The following ERFL variants were observed in gnomAD, a reference collection of about 807,000 sequenced individuals.
The protein encoded by ERFL is ETS repressor factor like, also known as ETS domain-containing transcription factor ERF-like.
ERFL carries 8 observed loss-of-function variants against 27.9 expected under a neutral mutation model. The ratio of observed to expected loss-of-function variants is 0.29; its 90% CI spans 0.17 to 0.52. ERFL has a LOEUF of 0.52. ERFL is among the 20% of genes least tolerant of loss of function. The probability of loss-of-function intolerance (pLI) is 0.97; values close to 1 mark genes in which losing one functional copy is unlikely to be tolerated. For missense variants in ERFL, 294 were observed against 444.4 expected (o/e 0.66, Z 3.04); for synonymous variants, 174 against 202.8 (o/e 0.86, Z 1.21).
In ERFL at chr19:41,910,575, G is replaced by GC. The variant is rs764373612; in HGVS notation, c.68-479dup. 1.3e-3 allele frequency among the ~76,000 whole-genome samples: 191 copies of GC among 152,126 alleles called. No individual in the cohort carries two copies. The highest frequency in any genetic ancestry group is 2.3e-3 in the Non-Finnish European group (156 of 67,978). On this transcript the variant is annotated intron_variant, in intron 2 of 5. Transcript: ENST00000597630. This position sits in a 1 kb window ranked among gnomAD's most constrained non-coding sequence, Gnocchi z 4.4. ...GCTCCACCTTTCGACATTCCCCAGA[G>GC]CCCCCCACTGACCCATCCTGGCATA...
intron 2 of ERFL, among the ~76,000 whole-genome samples, chr19:41,911,425 C>T (rs2074750484): frequency 6.6e-6 from 1 of 152,208 alleles, no homozygotes; most frequent in Admixed American, 6.5e-5. Flanking sequence ...GCAGGGGAGA[C>T]CAGCATCGCC....
intron 1 of ERFL, among the ~76,000 whole-genome samples, chr19:41,913,261 ACGCCCGCCCGCC>A (rs1313896978): frequency 1.0e-4 from 14 of 139,352 alleles, no homozygotes; most frequent in African/African-American, 3.5e-4. Context: ...GCTGGCTCTC[ACGCCCGCCCGCC>A]CGCCCGCCGC....
At position 41,914,737 on chromosome 19, in the gene ERFL, A is replaced by ATCTCTG. The variant is rs1338482494; in HGVS notation, c.-13-1811_-13-1806dup. Among the ~76,000 whole-genome samples the ATCTCTG allele has an allele frequency of 5.1e-3, 18 of 3,550 alleles. 5 individuals carry two copies. Among genetic ancestry groups the ATCTCTG allele is most frequent in the East Asian group, 0.056 (1 of 18 alleles). The allele number at this position is 3,550 out of a possible 152,430, so 2.3% of individuals were successfully genotyped here. On this transcript the variant is annotated intron_variant, in intron 1 of 5. Transcript: ENST00000597630. ...CTCTGTCTCTCCCTCCCCTTCCACC[A>ATCTCTG]TCTCTGTCTCTCCCTCCCCTTCCAC...
intron 2 of ERFL, among the ~76,000 whole-genome samples, chr19:41,912,311 C>T (rs1198101610): frequency 6.6e-6 from 1 of 152,208 alleles, no homozygotes; most frequent in Non-Finnish European, 1.5e-5. Context: ...CTGTCTGTCT[C>T]TCACACACAC....
rs1431963481 is a variant in ERFL, at chr19:41,917,135, T to C, written c.-13-4203A>G. On this transcript the variant is annotated intron_variant, in intron 1 of 5. Transcript: ENST00000597630. This position sits in a 1 kb window ranked among gnomAD's most constrained non-coding sequence, Gnocchi z 4.8. ...CTTCGGGTGTCGGCGCATCTTTCTG[T>C]CTGTCTCTGTCACTGAGGGTCTCTG... 6.6e-6 allele frequency among the ~76,000 whole-genome samples: 1 copy of C among 152,148 alleles called. No homozygotes were observed. Among genetic ancestry groups the C allele is most frequent in the African/African-American group, 2.4e-5 (1 of 41,420 alleles).
At chr19:41,920,996 C>T (rs1296901824) in intron 1 of ERFL, among the ~76,000 whole-genome samples, 5 of 152,224 alleles carry the variant, frequency 3.3e-5, no homozygotes, top group East Asian at 1.9e-4. Flanking sequence ...TCTCAGTCTC[C>T]GCACGATGTC....
rs1349839090 is a variant in ERFL at position 41,916,233 on chromosome 19, CA to C, written c.-13-3302del. 2.4e-4 allele frequency among the ~76,000 whole-genome samples: 37 copies of C among 151,692 alleles called. 2 individuals carry two copies. The highest frequency in any genetic ancestry group is 2.4e-3 in the Admixed American group (37 of 15,242). On this transcript the variant is annotated intron_variant, in intron 1 of 5. Transcript: ENST00000597630. The surrounding 1 kb of genome is among the most constrained non-coding windows in gnomAD (Gnocchi z 5.4). Reference sequence around the variant, plus strand: ...GCACAGATGCACACACCAGCACAGCCACACACACACCATCACATACCACACA... The same window carrying C: ...GCACAGATGCACACACCAGCACAGCCCACACACACCATCACATACCACACA...
intron 1 of ERFL, among the ~76,000 whole-genome samples, chr19:41,926,062 G>A (rs1555853244): frequency 2.0e-5 from 3 of 152,112 alleles, no homozygotes; most frequent in South Asian, 2.1e-4. Flanking sequence ...GTGAGGAACA[G>A]GTGAGTTTGC....
Position 41,909,954 on chromosome 19 carries a change from C to T in ERFL, c.211G>A (p.Val71Ile), listed in dbSNP as rs1025852079. The T allele has an allele frequency of 1.5e-5, 25 of 1,613,800 alleles. No homozygotes were observed. Among genetic ancestry groups the T allele is most frequent in the Non-Finnish European group, 2.1e-5 (25 of 1,179,964 alleles). ...IAWQGDYGEFVIKDPDEVARL... is the reference protein window; with the variant it reads ...IAWQGDYGEFIIKDPDEVARL... ...GCCACCTCATCGGGGTCTTTGATGACGAATTCCCCGTAGTCCCCCTGCCAG... is the reference window on the plus strand; with the variant it reads ...GCCACCTCATCGGGGTCTTTGATGATGAATTCCCCGTAGTCCCCCTGCCAG... The change falls in exon 3 of 6, where the codon GTC (valine) becomes ATC (isoleucine). Residue 71 changes from valine to isoleucine, a missense_variant. Val to Ile is a conservative substitution (Grantham distance 29). Coordinates refer to ENST00000597630, the MANE Select transcript of ERFL (RefSeq NM_001365103.2). The surrounding 1 kb of genome is among the most constrained non-coding windows in gnomAD (Gnocchi z 5.2).
rs551647034 is a variant in ERFL at position 41,926,761 on chromosome 19, G to T, written c.-14+1279C>A. ...CCGTTTAGCCGTGATAGATCCGCGC[G>T]CCGCTTGTCTCTTAATCTCCAGAGC... On this transcript the variant is annotated intron_variant, in intron 1 of 5. Coordinates refer to ENST00000597630, the MANE Select transcript of ERFL (RefSeq NM_001365103.2). Among the ~76,000 whole-genome samples, 12 of 152,284 alleles carry T rather than the reference G, an allele frequency of 7.9e-5. No individual in the cohort carries two copies. The South Asian group carries it at 2.5e-3, about 32-fold the overall frequency.
At chr19:41,923,067 G>C (rs1555852767) in intron 1 of ERFL, 1 of 447,338 alleles carries the variant, frequency 2.2e-6, no homozygotes, top group Admixed American at 2.4e-5. Context: ...CGCCCCCTCT[G>C]ACCCAGGCCT....
In ERFL at chr19:41,917,289, TCTGTCC is replaced by T. The variant is rs1360461931; in HGVS notation, c.-13-4363_-13-4358del. Among the ~76,000 whole-genome samples the T allele has an allele frequency of 1.3e-5, 2 of 152,240 alleles. No individual in the cohort carries two copies. Among genetic ancestry groups the T allele is most frequent in the South Asian group, 2.1e-4 (1 of 4,814 alleles). ...GTGCATCTCTCTGTCTCTCTCTGTC[TCTGTCC>T]CTCTCTGTCTCTGAGCTCTCTGTCA... On this transcript the variant is annotated intron_variant, in intron 1 of 5. Coordinates refer to ENST00000597630, the MANE Select transcript of ERFL (RefSeq NM_001365103.2). This position sits in a 1 kb window ranked among gnomAD's most constrained non-coding sequence, Gnocchi z 4.8.
chr19:41,918,671 CAG>C (rs2074818792), intron 1 of ERFL, among the ~76,000 whole-genome samples: 1 of 148,490 alleles, frequency 6.7e-6, no homozygotes, highest in Non-Finnish European at 1.5e-5. Flanking sequence ...CTACCCATCA[CAG>C]ACACACCACA....
Position 41,908,174 on chromosome 19 carries a change from G to A in ERFL, c.*54C>T. Reference sequence around the variant, plus strand: ...GGCCTTGGGCCAGGCATCAAGGGCAGACGGGCAGCCACCCTGGTCCCTGCC... The same window carrying A: ...GGCCTTGGGCCAGGCATCAAGGGCAAACGGGCAGCCACCCTGGTCCCTGCC... On this transcript the variant is annotated 3_prime_UTR_variant, in exon 6 of 6. Coordinates refer to ENST00000597630, the MANE Select transcript of ERFL (RefSeq NM_001365103.2). The surrounding 1 kb of genome is among the most constrained non-coding windows in gnomAD (Gnocchi z 6.7). The A allele has an allele frequency of 8.2e-7, 1 of 1,218,512 alleles. No individual in the cohort carries two copies. The allele number at this position is 1,218,512 out of a possible 1,614,324, so 75.5% of individuals were successfully genotyped here.
intron 2 of ERFL, among the ~76,000 whole-genome samples, chr19:41,911,702 C>CAT (rs1555851270): frequency 6.6e-6 from 1 of 152,128 alleles, no homozygotes; most frequent in African/African-American, 2.4e-5. Flanking sequence ...ACCCAGAACA[C>CAT]ATCCTACTGG....
chr19:41,912,294 A>G (rs1389113299), intron 2 of ERFL, among the ~76,000 whole-genome samples: 1 of 152,184 alleles, frequency 6.6e-6, no homozygotes, highest in Non-Finnish European at 1.5e-5. Flanking sequence ...AACCAAGGAC[A>G]GAGTCTCTGT....
rs1379787724 is a variant in ERFL at position 41,916,868 on chromosome 19, A to C, written c.-13-3936T>G. Among the ~76,000 whole-genome samples, 2 of 152,022 alleles carry C rather than the reference A, an allele frequency of 1.3e-5. No homozygotes were observed. The highest frequency in any genetic ancestry group is 1.3e-4 in the Admixed American group (2 of 15,266). On this transcript the variant is annotated intron_variant, in intron 1 of 5. Transcript: ENST00000597630. This position sits in a 1 kb window ranked among gnomAD's most constrained non-coding sequence, Gnocchi z 5.4. Reference sequence around the variant, plus strand: ...GACAGCGGCCCCTGCAGAGGTACACACAGACACACCCAGACACACTGGGTA... The same window carrying C: ...GACAGCGGCCCCTGCAGAGGTACACCCAGACACACCCAGACACACTGGGTA...
At position 41,909,694 on chromosome 19, in the gene ERFL, CCCT is replaced by C. The variant is rs1313248555; in HGVS notation, c.302+166_302+168del. ...GACTCCAAAGCCCAGGTTTAGGGGT[CCCT>C]CCTCCTCGCCTCCCTTCCACTCACA... On this transcript the variant is annotated intron_variant, in intron 3 of 5. Coordinates refer to ENST00000597630, the MANE Select transcript of ERFL (RefSeq NM_001365103.2). This position sits in a 1 kb window ranked among gnomAD's most constrained non-coding sequence, Gnocchi z 5.2. Among the ~76,000 whole-genome samples, 4 of 152,226 alleles carry C rather than the reference CCCT, an allele frequency of 2.6e-5. No individual in the cohort carries two copies. Among genetic ancestry groups the C allele is most frequent in the East Asian group, 1.9e-4 (1 of 5,158 alleles).
chr19:41,922,741 G>C (rs532484646), intron 1 of ERFL, among the ~76,000 whole-genome samples: 1 of 152,168 alleles, frequency 6.6e-6, no homozygotes, highest in African/African-American at 2.4e-5. Context: ...GGCTGGGGGG[G>C]ACTCAGGGCT....
Sources: allele counts gnomAD v4.1 joint callset (sites outside exome capture counted in the v4.1 genomes callset), GRCh38; gene constraint gnomAD v4.1.1; non-coding constraint Gnocchi (gnomAD v3.1); transcripts MANE v1.5; gene names NCBI Gene and HGNC (gene_info 2026-07-23, HGNC 2026-07-21).